The following PTPRD variants were observed in gnomAD, a reference collection of about 807,000 sequenced individuals.
PTPRD encodes receptor-type tyrosine-protein phosphatase delta.
In PTPRD, 34 loss-of-function variants were observed where a neutral mutation model predicts 214.5. The ratio of observed to expected loss-of-function variants is 0.16; its 90% CI spans 0.12 to 0.21. PTPRD has a LOEUF of 0.21. Among genes scored for constraint, PTPRD ranks in the 10% least tolerant of loss-of-function variants. The pLI is 1.00. For synonymous variants in PTPRD, 1,128 were observed against 845.7 expected, an observed-to-expected ratio of 1.33 and a Z score of -5.79; for missense variants, 2,545 against 2,398.7, an observed-to-expected ratio of 1.06 and a Z score of -1.27.
intron 2 of PTPRD, among the ~76,000 whole-genome samples, chr9:10,519,257 CAAAAAAA>C (rs35808416): frequency 1.4e-5 from 1 of 71,442 alleles, no homozygotes; most frequent in African/African-American, 5.8e-5. Flanking sequence ...ATTTCCTCCA[CAAAAAAA>C]AAAAAAAAAA....
intron 2 of PTPRD, among the ~76,000 whole-genome samples, chr9:10,403,560 T>C (rs2098311230): frequency 6.6e-6 from 1 of 151,346 alleles, no homozygotes; most frequent in South Asian, 2.1e-4. Context: ...ACTTTGGCAG[T>C]TTCTAACAGA....
chr9:9,854,136 C>T (rs1199584998), intron 5 of PTPRD, among the ~76,000 whole-genome samples: 2 of 152,156 alleles, frequency 1.3e-5, no homozygotes, highest in Non-Finnish European at 2.9e-5. Flanking sequence ...TGACAGATCT[C>T]ATAAAATCCT....
intron 9 of PTPRD, among the ~76,000 whole-genome samples, chr9:9,212,985 A>G (rs1185638093): frequency 6.6e-6 from 1 of 152,202 alleles, no homozygotes; most frequent in African/African-American, 2.4e-5. Context: ...TCTAACTCCT[A>G]TAACTGTGAC....
chr9:9,191,568 C>T (rs1352503879), intron 9 of PTPRD, among the ~76,000 whole-genome samples: 2 of 151,984 alleles, frequency 1.3e-5, no homozygotes, highest in Non-Finnish European at 2.9e-5. Context: ...TGAGTATTTC[C>T]CTATCTAAGT....
chr9:8,353,733 C>G (rs897851651), intron 39 of PTPRD, among the ~76,000 whole-genome samples: 2 of 151,784 alleles, frequency 1.3e-5, no homozygotes, highest in African/African-American at 2.4e-5. Context: ...TGCACCCAGC[C>G]AGTACTGCCC....
chr9:8,931,401 C>G (rs1474472994), intron 11 of PTPRD, among the ~76,000 whole-genome samples: 1 of 152,108 alleles, frequency 6.6e-6, no homozygotes, highest in African/African-American at 2.4e-5. Flanking sequence ...AGCGGGATGC[C>G]TCCAGCTTTG....
intron 39 of PTPRD, among the ~76,000 whole-genome samples, chr9:8,350,331 A>C (rs1044435911): frequency 6.6e-6 from 1 of 152,208 alleles, no homozygotes; most frequent in Admixed American, 6.5e-5. Flanking sequence ...GATATTTCAC[A>C]CATCATTTAG....
intron 3 of PTPRD, among the ~76,000 whole-genome samples, chr9:10,142,954 G>T (rs946593201): frequency 8.3e-4 from 126 of 151,772 alleles, no homozygotes; most frequent in Non-Finnish European, 2.4e-4. Context: ...CATAAAAAAT[G>T]ATGAGTTCAT....
At chr9:9,146,949 T>A (rs537584168) in intron 10 of PTPRD, among the ~76,000 whole-genome samples, 2 of 152,138 alleles carry the variant, frequency 1.3e-5, no homozygotes, top group Non-Finnish European at 2.9e-5. Context: ...CCCAAAACAT[T>A]TGACTTGACT....
intron 2 of PTPRD, among the ~76,000 whole-genome samples, chr9:10,485,222 G>A (rs777223126): frequency 1.1e-4 from 16 of 151,902 alleles, no homozygotes; most frequent in Non-Finnish European, 2.2e-4. Flanking sequence ...ATTGGTCTAC[G>A]TGTCTGTTAT....
At chr9:9,611,722 C>A (rs2094525180) in intron 7 of PTPRD, among the ~76,000 whole-genome samples, 1 of 151,976 alleles carries the variant, frequency 6.6e-6, no homozygotes, top group Non-Finnish European at 1.5e-5. Context: ...TCTGATGACA[C>A]ATGTATATTT....
At chr9:10,251,246 T>C (rs1311015643) in intron 3 of PTPRD, among the ~76,000 whole-genome samples, 1 of 152,162 alleles carries the variant, frequency 6.6e-6, no homozygotes, top group Non-Finnish European at 1.5e-5. Flanking sequence ...GTGAACATTA[T>C]AAATTAGCCT....
intron 12 of PTPRD, among the ~76,000 whole-genome samples, chr9:8,638,978 G>T (rs887139829): frequency 6.6e-6 from 1 of 152,014 alleles, no homozygotes; most frequent in African/African-American, 2.4e-5. Flanking sequence ...AAATAGCTAG[G>T]ACTACAGGTG....
intron 10 of PTPRD, among the ~76,000 whole-genome samples, chr9:9,075,353 G>C (rs967918987): frequency 6.6e-6 from 1 of 151,928 alleles, no homozygotes; most frequent in African/African-American, 2.4e-5. Context: ...TTTGTTGACT[G>C]TAATCACCCC....
At chr9:9,504,352 C>T (rs1422010289) in intron 8 of PTPRD, among the ~76,000 whole-genome samples, 3 of 151,542 alleles carry the variant, frequency 2.0e-5, no homozygotes, top group Non-Finnish European at 4.4e-5. Flanking sequence ...TTTCATAGTC[C>T]CATTGTTCTT....
rs113851870 is a variant in PTPRD, at chr9:9,418,838, G to A, written c.-236-21356C>T. On this transcript the variant is annotated intron_variant, in intron 8 of 45. Transcript: ENST00000381196. ...GAACCAGACTGGTTTAAGAGTACAA[G>A]AGAAGAAATGATTAATTTTGCATGG... is the stretch of plus-strand genomic sequence containing the variant. Among the ~76,000 whole-genome samples the A allele has an allele frequency of 4.1e-3, 624 of 152,040 alleles. 2 individuals are homozygous for A. Among genetic ancestry groups the A allele is most frequent in the African/African-American group, 0.014 (572 of 41,528 alleles).
At chr9:8,920,265 C>T (rs546949232) in intron 11 of PTPRD, among the ~76,000 whole-genome samples, 1 of 151,990 alleles carries the variant, frequency 6.6e-6, no homozygotes, top group South Asian at 2.1e-4. Context: ...TGCTTGAACC[C>T]AGGAGGCAGA....
intron 10 of PTPRD, among the ~76,000 whole-genome samples, chr9:9,149,560 T>C (rs928406719): frequency 6.6e-6 from 1 of 152,162 alleles, no homozygotes; most frequent in African/African-American, 2.4e-5. Flanking sequence ...TCCCTGGCAA[T>C]CAGCTTCAGC....
At chr9:9,664,997 C>G (rs561266942) in intron 7 of PTPRD, among the ~76,000 whole-genome samples, 5 of 151,646 alleles carry the variant, frequency 3.3e-5, no homozygotes, top group African/African-American at 1.2e-4. Context: ...AGCCTTCATA[C>G]TCATATTATT....
Sources: allele counts gnomAD v4.1 joint callset (sites outside exome capture counted in the v4.1 genomes callset), GRCh38; gene constraint gnomAD v4.1.1; transcripts MANE v1.5; gene names NCBI Gene and HGNC (gene_info 2026-07-23, HGNC 2026-07-21).